Variants in CDC42BPB observed in about 807,000 individuals in gnomAD.
CDC42BPB encodes the protein serine/threonine-protein kinase MRCK beta.
In CDC42BPB, 37 loss-of-function variants were observed where a neutral mutation model predicts 214.9. The ratio of observed to expected loss-of-function variants is 0.17; its 90% CI spans 0.13 to 0.23. CDC42BPB has a LOEUF of 0.23. Ranked by LOEUF, CDC42BPB falls within the 10% of genes least tolerant of loss-of-function variation. The probability of loss-of-function intolerance (pLI) is 1.00; values close to 1 mark genes in which losing one functional copy is unlikely to be tolerated. For missense variants in CDC42BPB, 1,694 were observed against 2,227.0 expected (o/e 0.76, Z 4.82); for synonymous variants, 931 against 884.0 (o/e 1.05, Z -0.94).
At chr14:103,053,648 G>A (rs1365087137) in intron 1 of CDC42BPB, among the ~76,000 whole-genome samples, 3 of 150,444 alleles carry the variant, frequency 2.0e-5, no homozygotes, top group Non-Finnish European at 3.0e-5. Context: ...TGTAGTCCCA[G>A]CTACTCAGGA....
In CDC42BPB at chr14:103,057,500, G is replaced by C. The variant is rs896078239; in HGVS notation, c.-327C>G. 11 of 166,980 alleles carry C rather than the reference G, an allele frequency of 6.6e-5. No individual in the cohort carries two copies. Among genetic ancestry groups the C allele is most frequent in the Non-Finnish European group, 1.3e-4 (11 of 84,220 alleles). The allele number at this position is 166,980 out of a possible 1,614,324, so 10.3% of individuals were successfully genotyped here. ...TCCCCGCCGCCGCCGCCGCAGACTA[G>C]GAGCGGCGAGGAGCCTAGCGCTGCG... On this transcript the variant is annotated 5_prime_UTR_variant, in exon 1 of 37. Transcript: ENST00000361246.
At chr14:103,041,879 G>T in intron 1 of CDC42BPB, 1 of 424,800 alleles carries the variant, frequency 2.4e-6, no homozygotes, top group Admixed American at 3.0e-5. Context: ...AAGGGAGACA[G>T]TTCTGCTGAA....
At chr14:102,951,622 C>CCTTA (rs1892493927) in intron 24 of CDC42BPB, among the ~76,000 whole-genome samples, 1 of 152,132 alleles carries the variant, frequency 6.6e-6, no homozygotes, top group Admixed American at 6.5e-5. Flanking sequence ...AACCCCATCT[C>CCTTA]TACTAAGAAC....
At chr14:103,031,649 C>T (rs960177743) in intron 1 of CDC42BPB, among the ~76,000 whole-genome samples, 2 of 152,176 alleles carry the variant, frequency 1.3e-5, no homozygotes, top group Non-Finnish European at 2.9e-5. Context: ...CTACAGGCGC[C>T]CACACGCAGG....
intron 1 of CDC42BPB, among the ~76,000 whole-genome samples, chr14:103,053,912 C>T (rs183695874): frequency 2.0e-5 from 3 of 152,192 alleles, no homozygotes; most frequent in African/African-American, 7.2e-5. Context: ...ATGATCATTG[C>T]TCATTGCAGC....
intron 28 of CDC42BPB, among the ~76,000 whole-genome samples, chr14:102,946,137 T>C (rs1160437722): frequency 1.3e-5 from 2 of 152,170 alleles, no homozygotes; most frequent in Non-Finnish European, 2.9e-5. Context: ...GTCTCCCAAG[T>C]AGCTGGGACT....
intron 23 of CDC42BPB, among the ~76,000 whole-genome samples, chr14:102,953,496 C>T (rs968139859): frequency 3.9e-5 from 6 of 152,218 alleles, no homozygotes; most frequent in East Asian, 1.9e-4. Context: ...TACGTCCAGC[C>T]GGCATAGCTG....
chr14:102,954,321 G>A, intron 22 of CDC42BPB, 46 bp from the exon 23 acceptor site: 15 of 1,459,922 alleles, frequency 1.0e-5, no homozygotes, highest in African/African-American at 1.4e-5. Context: ...GCTCAGCATG[G>A]CTGAGACACC....
intron 36 of CDC42BPB, among the ~76,000 whole-genome samples, chr14:102,935,618 CG>C (rs904675587): frequency 2.6e-5 from 4 of 152,086 alleles, no homozygotes; most frequent in South Asian, 2.1e-4. Flanking sequence ...GGTGAAACCC[CG>C]CCTCTACTAA....
At chr14:102,970,103 G>A in intron 14 of CDC42BPB, 48 bp downstream of exon 14, 1 of 1,448,996 alleles carries the variant, frequency 6.9e-7, no homozygotes, top group East Asian at 2.3e-5. Flanking sequence ...CGTCAGCAAA[G>A]ATAAGCATCC....
chr14:102,962,017 C>T (rs1311518176), intron 20 of CDC42BPB, among the ~76,000 whole-genome samples: 1 of 152,188 alleles, frequency 6.6e-6, no homozygotes, highest in African/African-American at 2.4e-5. Context: ...ACAATAAAAA[C>T]ATATAATGCA....
chr14:102,969,520 G>A (rs1411914690), intron 14 of CDC42BPB, among the ~76,000 whole-genome samples: 3 of 152,238 alleles, frequency 2.0e-5, no homozygotes, highest in Admixed American at 6.5e-5. Flanking sequence ...GGGAGGAACA[G>A]CATCTCAGGC....
chr14:103,054,584 T>C (rs1304652128), intron 1 of CDC42BPB, among the ~76,000 whole-genome samples: 6 of 152,226 alleles, frequency 3.9e-5, no homozygotes, highest in Admixed American at 3.3e-4. Flanking sequence ...ACTGCACACA[T>C]GTTAACTAGA....
At chr14:102,949,641 A>G in intron 26 of CDC42BPB, 124 bp downstream of exon 26, 1 of 1,283,238 alleles carries the variant, frequency 7.8e-7, no homozygotes, top group Non-Finnish European at 1.1e-6. Flanking sequence ...TTTTGCAACC[A>G]TACAATAATG....
intron 24 of CDC42BPB, among the ~76,000 whole-genome samples, chr14:102,951,609 C>T (rs1227474021): frequency 2.0e-5 from 3 of 151,976 alleles, no homozygotes; most frequent in Admixed American, 6.6e-5. Flanking sequence ...GGCAACATGG[C>T]GAAACCCCAT....
chr14:102,933,990 C>A, intron 36 of CDC42BPB, 147 bp from the exon 37 acceptor site: 1 of 1,385,628 alleles, frequency 7.2e-7, no homozygotes, highest in Non-Finnish European at 9.3e-7. Flanking sequence ...CGCTCTACAC[C>A]AGCGATTCGT....
chr14:103,015,420 G>C (rs183701989), intron 1 of CDC42BPB, among the ~76,000 whole-genome samples: 130 of 152,042 alleles, frequency 8.6e-4, no homozygotes, highest in East Asian at 8.3e-3. Flanking sequence ...CCTGGAGGCA[G>C]AGGCTGCAGT....
chr14:102,971,792 AC>A, intron 13 of CDC42BPB, 126 bp downstream of exon 13: 1 of 894,308 alleles, frequency 1.1e-6, no homozygotes, highest in Non-Finnish European at 1.7e-6. Context: ...CGGCCGATCA[AC>A]TTACTTGGCT....
intron 3 of CDC42BPB, 44 bp downstream of exon 3, chr14:103,008,428 C>T: frequency 7.9e-7 from 1 of 1,270,052 alleles, no homozygotes; most frequent in Non-Finnish European, 1.2e-6. Context: ...ACTTTCTGCT[C>T]ACCCCAAGCC....
Sources: gnomAD v4.1 joint callset for allele counts (sites outside exome capture counted in the v4.1 genomes callset) on GRCh38, gnomAD v4.1.1 for gene constraint, MANE v1.5 for transcripts, NCBI Gene and HGNC (gene_info 2026-07-23, HGNC 2026-07-21) for gene names.